Variants in TUSC3 observed in about 807,000 individuals in gnomAD.
The protein encoded by TUSC3 is tumor suppressor candidate 3, also known as dolichyl-diphosphooligosaccharide--protein glycosyltransferase subunit TUSC3.
Under a neutral mutation model 44.8 loss-of-function variants are expected in TUSC3, and 45 were observed. The ratio of observed to expected loss-of-function variants is 1.00; its 90% CI spans 0.79 to 1.29. The LOEUF (loss-of-function observed/expected upper bound fraction) is 1.29, where lower values mean the gene tolerates loss of function less well. TUSC3 is among the 50% of genes most tolerant of loss of function. The pLI is 0.00. For synonymous variants in TUSC3, 212 were observed against 152.9 expected, an observed-to-expected ratio of 1.39 and a Z score of -2.85; for missense variants, 519 against 437.9, an observed-to-expected ratio of 1.19 and a Z score of -1.65.
At chr8:15,762,108 A>G (rs1447844136) in intron 10 of TUSC3, among the ~76,000 whole-genome samples, 1 of 151,932 alleles carries the variant, frequency 6.6e-6, no homozygotes, top group Non-Finnish European at 1.5e-5. Context: ...CTGATTAGAG[A>G]ACAGCAGTTC....
At chr8:15,843,621 T>TATATATATATATATATATACAC in the TUSC3 span, among the ~76,000 whole-genome samples, 54 of 146,754 alleles carry the variant, frequency 3.7e-4, no homozygotes, top group African/African-American at 1.4e-3. Context: ...TATATATATA[T>TATATATATATATATATATACAC]ACACGCACAT....
the TUSC3 span, among the ~76,000 whole-genome samples, chr8:15,849,058 C>G: frequency 5.3e-5 from 8 of 152,110 alleles, no homozygotes; most frequent in Non-Finnish European, 8.8e-5. Context: ...CTTTTTCATT[C>G]ATTAGCAAAA....
the TUSC3 span, among the ~76,000 whole-genome samples, chr8:15,827,698 C>T: frequency 1.3e-5 from 2 of 152,144 alleles, no homozygotes; most frequent in African/African-American, 4.8e-5. Context: ...AGATTATCTT[C>T]ATAAATTTTA....
chr8:15,735,891 G>GT (rs539526479), intron 7 of TUSC3, among the ~76,000 whole-genome samples: 78,647 of 147,124 alleles, frequency 0.53, 21,255 homozygotes, highest in African/African-American at 0.57. Flanking sequence ...TTGTTTTTTT[G>GT]GTTTTTTTTT....
chr8:15,613,010 C>G (rs557903568), intron 1 of TUSC3, among the ~76,000 whole-genome samples: 12 of 150,582 alleles, frequency 8.0e-5, no homozygotes, highest in Non-Finnish European at 1.5e-4. Context: ...AAGCCGTTTA[C>G]TTAAGAGCAG....
intron 6 of TUSC3, among the ~76,000 whole-genome samples, chr8:15,719,407 T>G (rs535373687): frequency 1.2e-4 from 18 of 152,034 alleles, no homozygotes; most frequent in African/African-American, 4.3e-4. Flanking sequence ...AATTGCAACC[T>G]GCTCCCCATT....
At chr8:15,810,432 G>C in the TUSC3 span, among the ~76,000 whole-genome samples, 1 of 152,140 alleles carries the variant, frequency 6.6e-6, no homozygotes. Context: ...GAGCCCAGGA[G>C]TTTGAGAGCA....
chr8:15,747,575 A>G (rs369554862), intron 8 of TUSC3, among the ~76,000 whole-genome samples: 29 of 152,206 alleles, frequency 1.9e-4, no homozygotes, highest in African/African-American at 6.5e-4. Context: ...CCAAAATACT[A>G]TATGCAAAAG....
At chr8:15,690,052 T>G (rs1178815686) in intron 6 of TUSC3, among the ~76,000 whole-genome samples, 1 of 152,104 alleles carries the variant, frequency 6.6e-6, no homozygotes, top group East Asian at 1.9e-4. Flanking sequence ...CTGGGTCAAA[T>G]GGTAATTAAT....
chr8:15,590,537 C>T (rs1450273186), intron 1 of TUSC3, among the ~76,000 whole-genome samples: 1 of 152,038 alleles, frequency 6.6e-6, no homozygotes, highest in Non-Finnish European at 1.5e-5. Flanking sequence ...ATTTTATTTA[C>T]TATTTTTAGA....
chr8:15,480,484 AG>A (rs1240194914), intron 1 of TUSC3, among the ~76,000 whole-genome samples: 1 of 152,244 alleles, frequency 6.6e-6, no homozygotes, highest in African/African-American at 2.4e-5. Context: ...TCCTACATCA[AG>A]TACAACTTCT....
At chr8:15,802,463 C>T in the TUSC3 span, among the ~76,000 whole-genome samples, 1 of 152,046 alleles carries the variant, frequency 6.6e-6, no homozygotes, top group Non-Finnish European at 1.5e-5. Context: ...TGCACTGTCG[C>T]CAGGCTGGAG....
At chr8:15,634,629 G>A (rs527789203) in intron 2 of TUSC3, among the ~76,000 whole-genome samples, 2 of 152,330 alleles carry the variant, frequency 1.3e-5, no homozygotes, top group South Asian at 2.1e-4. Flanking sequence ...AGCTGCACCA[G>A]TGTGTTTTTT....
At chr8:15,644,756 C>T (rs570766604) in intron 2 of TUSC3, among the ~76,000 whole-genome samples, 28 of 151,964 alleles carry the variant, frequency 1.8e-4, no homozygotes, top group East Asian at 3.9e-4. Context: ...ACGTATTCCT[C>T]GGGCTCATTT....
At chr8:15,621,797 C>T (rs528958219) in intron 1 of TUSC3, among the ~76,000 whole-genome samples, 2 of 151,452 alleles carry the variant, frequency 1.3e-5, no homozygotes, top group Admixed American at 6.6e-5. Context: ...AAAACACAGC[C>T]GAGTCATTAG....
At chr8:15,728,357 T>C (rs904586426) in intron 6 of TUSC3, among the ~76,000 whole-genome samples, 2 of 151,950 alleles carry the variant, frequency 1.3e-5, no homozygotes, top group Admixed American at 6.6e-5. Context: ...TTAGCCTCCT[T>C]TCCTAGTTCT....
At chr8:15,489,606 G>C (rs1800779033) in intron 2 of TUSC3, among the ~76,000 whole-genome samples, 1 of 152,120 alleles carries the variant, frequency 6.6e-6, no homozygotes, top group Non-Finnish European at 1.5e-5. Context: ...ATTTCTTTCA[G>C]GATCTGCTGT....
In TUSC3 at chr8:15,593,191, T is replaced by C. The variant is rs1401287076; in HGVS notation, c.139-29889T>C. Among the ~76,000 whole-genome samples the C allele has an allele frequency of 2.0e-5, 3 of 152,186 alleles. No individual in the cohort carries two copies. The East Asian group carries it at 5.8e-4, about 29-fold the overall frequency. ...GCCTCCGCCTTCTGGGTTCAAGCGA[T>C]TCTTCTGCCTCAGCCTCCTGAGTAG... On this transcript the variant is annotated intron_variant, in intron 1 of 10. Coordinates refer to ENST00000503731, the MANE Select transcript of TUSC3 (RefSeq NM_006765.4).
intron 1 of TUSC3, among the ~76,000 whole-genome samples, chr8:15,573,773 T>G (rs1205337004): frequency 2.6e-5 from 4 of 152,138 alleles, no homozygotes; most frequent in African/African-American, 9.7e-5. Flanking sequence ...TTCTGAAGGC[T>G]GATTTTTTTT....
Sources: allele counts gnomAD v4.1 joint callset (sites outside exome capture counted in the v4.1 genomes callset), GRCh38; gene constraint gnomAD v4.1.1; transcripts MANE v1.5; gene names NCBI Gene and HGNC (gene_info 2026-07-23, HGNC 2026-07-21).